Variants in SNRPN observed in about 807,000 individuals in gnomAD.
The protein encoded by SNRPN is small nuclear ribonucleoprotein-associated protein N.
In SNRPN, 7 loss-of-function variants were observed where a neutral mutation model predicts 25.2. The ratio of observed to expected loss-of-function variants is 0.28; its 90% confidence interval spans 0.16 to 0.52. The LOEUF is 0.52. SNRPN is among the 20% of genes least tolerant of loss of function. The probability of loss-of-function intolerance (pLI) is 0.96; values close to 1 mark genes in which losing one functional copy is unlikely to be tolerated. For missense variants in SNRPN, 196 were observed against 322.5 expected (o/e 0.61, Z 3.00); for synonymous variants, 124 against 110.6 (o/e 1.12, Z -0.76).
chr15:24,848,597 C>T (rs184788649), intron 2 of SNRPN: 2 of 152,228 alleles, frequency 1.3e-5, no homozygotes, highest in East Asian at 1.9e-4. Flanking sequence ...TTATATTCTT[C>T]CTTTTCAGTA....
chr15:24,918,789 T>C lies in SNRPN; in HGVS notation c.-504-1222T>C, dbSNP rs374964045. ...ATATATATATAACATAATATATATG[T>C]GTGCATATATATATATAACAATATA... On this transcript the variant is annotated intron_variant, in intron 2 of 11. Transcript: ENST00000400097. Among the ~76,000 whole-genome samples the C allele has an allele frequency of 4.9e-5, 2 of 40,524 alleles. 1 individual carries two copies. The highest frequency in any genetic ancestry group is 9.3e-5 in the Non-Finnish European group (2 of 21,410). 26.6% of individuals were successfully genotyped at this position (40,524 alleles called of 152,430 possible).
upstream of SNRPN, among the ~76,000 whole-genome samples, chr15:24,852,833 G>T (rs867946256): frequency 3.0e-4 from 45 of 152,284 alleles, 2 homozygotes; most frequent in Middle Eastern, 0.027. Context: ...GGCTGAGGTG[G>T]GAGGATTGGG....
chr15:24,894,288 G>A (rs540268953), intron 2 of SNRPN, among the ~76,000 whole-genome samples: 2 of 151,332 alleles, frequency 1.3e-5, no homozygotes, highest in African/African-American at 2.4e-5. Flanking sequence ...GTGTGATCTC[G>A]GCTCACTGCA....
intron 3 of SNRPN, among the ~76,000 whole-genome samples, chr15:24,936,512 A>G (rs548563825): frequency 1.7e-4 from 26 of 152,288 alleles, no homozygotes; most frequent in African/African-American, 6.3e-4. Flanking sequence ...GCACTGCTAT[A>G]AAGAACTACC....
At chr15:24,863,296 G>C (rs1292049511) in intron 1 of SNRPN, among the ~76,000 whole-genome samples, 1 of 150,720 alleles carries the variant, frequency 6.6e-6, no homozygotes, top group Admixed American at 6.6e-5. Context: ...GGTGAGAGCA[G>C]CCTCACAGGA....
intron 1 of SNRPN, among the ~76,000 whole-genome samples, chr15:24,960,722 A>G (rs1315277075): frequency 6.6e-6 from 1 of 152,166 alleles, no homozygotes; most frequent in Non-Finnish European, 1.5e-5. Flanking sequence ...GTAGCAATAG[A>G]ATTTGCCCTT....
intron 1 of SNRPN, among the ~76,000 whole-genome samples, chr15:24,860,211 T>C (rs1297534156): frequency 6.6e-6 from 1 of 152,164 alleles, no homozygotes; most frequent in Non-Finnish European, 1.5e-5. Context: ...CAGACCTTAA[T>C]AAAAATAAAT....
At chr15:24,854,430 TTAGA>T (rs1191674338), upstream of SNRPN, among the ~76,000 whole-genome samples, 5 of 152,178 alleles carry the variant, frequency 3.3e-5, no homozygotes, top group Non-Finnish European at 5.9e-5. Flanking sequence ...GGAGAACGAA[TTAGA>T]TAGAGAACTG....
Position 24,827,047 on chromosome 15 carries a change from C to T in SNRPN, c.-686-2751C>T, listed in dbSNP as rs566481175. Among the ~76,000 whole-genome samples the T allele has an allele frequency of 2.0e-5, 3 of 152,076 alleles. No homozygotes were observed. In the East Asian group the frequency reaches 5.8e-4, roughly 29 times the overall value. On this transcript the variant is annotated intron_variant, in intron 1 of 12. Transcript: ENST00000400100. ...ACATACACACACATACATATATATACATATACTATAGTAAAAATATGATAT... is the reference window on the plus strand; with the variant it reads ...ACATACACACACATACATATATATATATATACTATAGTAAAAATATGATAT...
chr15:24,956,020 G>A (rs891321292), intron 1 of SNRPN, among the ~76,000 whole-genome samples: 5 of 152,040 alleles, frequency 3.3e-5, no homozygotes, highest in Non-Finnish European at 7.4e-5. Flanking sequence ...CTGTGGTGGT[G>A]GTGCTTTTTT....
upstream of SNRPN, among the ~76,000 whole-genome samples, chr15:24,853,155 CATT>C (rs2145954307): frequency 1.3e-5 from 2 of 152,212 alleles, no homozygotes; most frequent in African/African-American, 4.8e-5. Flanking sequence ...TAAATCTTAA[CATT>C]AGTGTGTTAC....
At chr15:24,931,251 G>C (rs1488377476) in intron 3 of SNRPN, among the ~76,000 whole-genome samples, 1 of 152,096 alleles carries the variant, frequency 6.6e-6, no homozygotes, top group Non-Finnish European at 1.5e-5. Flanking sequence ...ATGCTGCCAG[G>C]ATATACTGAA....
At chr15:24,872,296 A>C (rs1049774763) in intron 1 of SNRPN, among the ~76,000 whole-genome samples, 2 of 115,894 alleles carry the variant, frequency 1.7e-5, no homozygotes, top group African/African-American at 2.9e-5. Flanking sequence ...GCCTCCCAAG[A>C]GGCTAGGATT....
Position 24,837,661 on chromosome 15 carries a change from G to A in SNRPN, c.-579+7756G>A, listed in dbSNP as rs535898470. Among the ~76,000 whole-genome samples, 121 of 151,992 alleles carry A rather than the reference G, an allele frequency of 8.0e-4. 2 individuals carry two copies. In the East Asian group the frequency reaches 0.019, roughly 24 times the overall value. ...TGGGATTACAGGCGTGAGCCACCATGCCCGGCTTGGGGGGCTACTGATTTA... is the reference window on the plus strand; with the variant it reads ...TGGGATTACAGGCGTGAGCCACCATACCCGGCTTGGGGGGCTACTGATTTA... On this transcript the variant is annotated intron_variant, in intron 2 of 12. Coordinates refer to the SNRPN transcript ENST00000400100.
chr15:24,862,770 G>A (rs1012361339), intron 1 of SNRPN, among the ~76,000 whole-genome samples: 3 of 150,850 alleles, frequency 2.0e-5, no homozygotes, highest in African/African-American at 5.0e-5. Flanking sequence ...AGGAGGAGGA[G>A]CATTGGAGGA....
At chr15:24,917,563 G>A (rs1292126634) in intron 2 of SNRPN, among the ~76,000 whole-genome samples, 1 of 152,198 alleles carries the variant, frequency 6.6e-6, no homozygotes, top group Non-Finnish European at 1.5e-5. Context: ...ACACCTGCCT[G>A]CAGGTAATAA....
Position 24,927,475 on chromosome 15 carries a change from A to ATTTTTTTTTTTTTTT in SNRPN, c.-391+7351_-391+7352insTTTTTTTTTTTTTTT, listed in dbSNP as rs1566921436. On this transcript the variant is annotated intron_variant, in intron 3 of 11. Transcript: ENST00000400097. ...TTTCCCACTGCTTATAAAGTTTTTA[A>ATTTTTTTTTTTTTTT]ATTTTTTTTTTTTTTTTTTTTTTTT... is the stretch of plus-strand genomic sequence containing the variant. Among the ~76,000 whole-genome samples, 235 of 113,300 alleles carry ATTTTTTTTTTTTTTT rather than the reference A, an allele frequency of 2.1e-3. 52 individuals carry two copies. The highest frequency in any genetic ancestry group is 0.015 in the East Asian group (49 of 3,290). The allele number at this position is 113,300 out of a possible 152,430, so 74.3% of individuals were successfully genotyped here. A position where few individuals can be genotyped will look rare whatever the true frequency, so the allele number is the denominator to read the frequency against.
chr15:24,965,118 G>A (rs965313579), intron 2 of SNRPN, among the ~76,000 whole-genome samples: 2 of 152,130 alleles, frequency 1.3e-5, no homozygotes, highest in East Asian at 1.9e-4. Context: ...CTCAGGATTG[G>A]TATACTTAGA....
At chr15:24,925,962 C>T (rs1173434730) in intron 3 of SNRPN, among the ~76,000 whole-genome samples, 2 of 152,092 alleles carry the variant, frequency 1.3e-5, no homozygotes, top group Non-Finnish European at 2.9e-5. Context: ...TCTCGATCTC[C>T]TGACCTTGTG....
Sources: gnomAD v4.1 joint callset for allele counts (sites outside exome capture counted in the v4.1 genomes callset) on GRCh38, gnomAD v4.1.1 for gene constraint, MANE v1.5 for transcripts, NCBI Gene and HGNC (gene_info 2026-07-23, HGNC 2026-07-21) for gene names.